Variants in PDE1A observed in about 807,000 individuals in gnomAD.
PDE1A encodes phosphodiesterase 1A, also known as dual specificity calcium/calmodulin-dependent 3',5'-cyclic nucleotide phosphodiesterase 1A.
In PDE1A, 35 loss-of-function variants were observed where a neutral mutation model predicts 61.7. The ratio of observed to expected loss-of-function variants is 0.57; its 90% CI spans 0.43 to 0.75. PDE1A has a LOEUF of 0.75. PDE1A is among the 30% of genes least tolerant of loss of function. PDE1A has a pLI of 0.00. For missense variants in PDE1A, 597 were observed against 630.6 expected (o/e 0.95, Z 0.57); for synonymous variants, 232 against 213.2 (o/e 1.09, Z -0.77).
At chr2:182,613,250 C>T in the PDE1A span, among the ~76,000 whole-genome samples, 1 of 152,000 alleles carries the variant, frequency 6.6e-6, no homozygotes, top group Non-Finnish European at 1.5e-5. Flanking sequence ...TTATTCTATA[C>T]ATAACTTCAA....
chr2:182,276,046 GAT>G (rs1169601566), intron 1 of PDE1A, among the ~76,000 whole-genome samples: 1 of 152,022 alleles, frequency 6.6e-6, no homozygotes, highest in Non-Finnish European at 1.5e-5. Flanking sequence ...GAATCTAAGA[GAT>G]ATAAAATTAA....
At chr2:182,274,780 T>C (rs925642392) in intron 1 of PDE1A, among the ~76,000 whole-genome samples, 1 of 152,124 alleles carries the variant, frequency 6.6e-6, no homozygotes, top group African/African-American at 2.4e-5. Context: ...TCATATTTGG[T>C]TTTACAGAAT....
the PDE1A span, among the ~76,000 whole-genome samples, chr2:182,710,668 T>A: frequency 4.6e-5 from 7 of 152,250 alleles, no homozygotes; most frequent in African/African-American, 1.7e-4. Flanking sequence ...TTTATCTATG[T>A]TGTCACAAAT....
At chr2:182,423,240 T>C (rs919387626) in intron 1 of PDE1A, among the ~76,000 whole-genome samples, 79 of 152,184 alleles carry the variant, frequency 5.2e-4, no homozygotes, top group Admixed American at 5.0e-3. Flanking sequence ...TTTTAAAAAA[T>C]AGATTTGATA....
intron 1 of PDE1A, among the ~76,000 whole-genome samples, chr2:182,335,096 A>C (rs1230797661): frequency 2.6e-5 from 4 of 152,150 alleles, no homozygotes; most frequent in African/African-American, 9.7e-5. Context: ...TTCAAGGAGA[A>C]CTGCTCAAGA....
At chr2:182,180,092 A>G (rs1285134106) in intron 13 of PDE1A, among the ~76,000 whole-genome samples, 2 of 152,194 alleles carry the variant, frequency 1.3e-5, no homozygotes, top group Non-Finnish European at 2.9e-5. Context: ...GTATAAGACT[A>G]GAAGTGGTAG....
the PDE1A span, among the ~76,000 whole-genome samples, chr2:182,568,260 C>G: frequency 6.6e-6 from 1 of 151,970 alleles, no homozygotes; most frequent in Non-Finnish European, 1.5e-5. Flanking sequence ...CATTTATAAA[C>G]TTAAGAAAAA....
chr2:182,219,810 A>G (rs530317060), intron 7 of PDE1A, among the ~76,000 whole-genome samples: 9 of 152,222 alleles, frequency 5.9e-5, no homozygotes, highest in Non-Finnish European at 1.0e-4. Context: ...ACCACCACAC[A>G]TGGATAGCTA....
rs186197742 is a variant in PDE1A at position 182,205,818 on chromosome 2, G to A, written c.902+122C>T. ...TAATCCTTCTCAGAGTCATCCAGTC[G>A]ACAGTAATTAAGTTTGTAATTTGGG... On this transcript the variant is annotated intron_variant, in intron 8 of 13. Transcript: ENST00000351439. 1.6e-4 allele frequency: 130 copies of A among 799,308 alleles called. No homozygotes were observed. In the African/African-American group the frequency reaches 1.9e-3, roughly 12 times the overall value. 49.5% of individuals were successfully genotyped at this position (799,308 alleles called of 1,614,324 possible).
intron 10 of PDE1A, among the ~76,000 whole-genome samples, chr2:182,197,196 TGTAA>T (rs1209522575): frequency 1.3e-5 from 2 of 151,926 alleles, no homozygotes; most frequent in African/African-American, 2.4e-5. Context: ...CATACTTGTA[TGTAA>T]GTATTACCTA....
chr2:182,175,424 C>T (rs1398431727), intron 13 of PDE1A, among the ~76,000 whole-genome samples: 30 of 151,090 alleles, frequency 2.0e-4, no homozygotes, highest in Non-Finnish European at 3.4e-4. Flanking sequence ...TTGCATTTCT[C>T]TGATGGCCAG....
intron 2 of PDE1A, among the ~76,000 whole-genome samples, chr2:182,501,810 A>G (rs1166275264): frequency 6.6e-6 from 1 of 152,146 alleles, no homozygotes; most frequent in Non-Finnish European, 1.5e-5. Context: ...CTCATGGTCA[A>G]TCTAGGTTTA....
At chr2:182,540,382 AAAAGCAGCAGCAGCAGCAGC>A in the PDE1A span, among the ~76,000 whole-genome samples, 3 of 138,638 alleles carry the variant, frequency 2.2e-5, no homozygotes, top group Non-Finnish European at 4.7e-5. Context: ...AAAAAAAAAA[AAAAGCAGCAGCAGCAGCAGC>A]AGCAGCAGCA....
intron 2 of PDE1A, among the ~76,000 whole-genome samples, chr2:182,433,897 T>G (rs1394288672): frequency 6.6e-6 from 1 of 152,072 alleles, no homozygotes; most frequent in Non-Finnish European, 1.5e-5. Flanking sequence ...TGAAATGCTT[T>G]TCATCCTGCT....
chr2:182,488,322 C>T (rs749390635), intron 2 of PDE1A, among the ~76,000 whole-genome samples: 2 of 151,930 alleles, frequency 1.3e-5, no homozygotes, highest in Non-Finnish European at 2.9e-5. Flanking sequence ...TTTAATTTAC[C>T]AAGGGCTACA....
chr2:182,521,725 G>A (rs898929772), intron 2 of PDE1A, among the ~76,000 whole-genome samples: 2 of 152,042 alleles, frequency 1.3e-5, no homozygotes, highest in African/African-American at 4.8e-5. Context: ...CTGTGAACTG[G>A]TTAATTTAAA....
chr2:182,550,135 CCT>C, the PDE1A span, among the ~76,000 whole-genome samples: 1 of 152,124 alleles, frequency 6.6e-6, no homozygotes, highest in Non-Finnish European at 1.5e-5. Flanking sequence ...CCAGGTTCTA[CCT>C]CTGTTTAGCC....
At chr2:182,614,667 C>T in the PDE1A span, among the ~76,000 whole-genome samples, 1 of 151,802 alleles carries the variant, frequency 6.6e-6, no homozygotes, top group South Asian at 2.1e-4. Context: ...AAGCAATTCT[C>T]CTGTCTCAGC....
At chr2:182,313,659 A>G (rs932280641) in intron 1 of PDE1A, among the ~76,000 whole-genome samples, 2 of 152,118 alleles carry the variant, frequency 1.3e-5, no homozygotes, top group African/African-American at 4.8e-5. Context: ...ATTGATCTGT[A>G]TTGGTGAGCA....
Sources: gnomAD v4.1 joint callset for allele counts (sites outside exome capture counted in the v4.1 genomes callset) on GRCh38, gnomAD v4.1.1 for gene constraint, MANE v1.5 for transcripts, NCBI Gene and HGNC (gene_info 2026-07-23, HGNC 2026-07-21) for gene names.